The following MBNL1 variants were observed in gnomAD, a reference collection of about 807,000 sequenced individuals.
MBNL1 encodes the protein muscleblind like splicing regulator 1.
MBNL1 carries 8 observed loss-of-function variants against 42.2 expected under a neutral mutation model. The observed-to-expected ratio is 0.19, with a 90% CI of 0.11 to 0.34. The LOEUF (loss-of-function observed/expected upper bound fraction) is 0.34. Ranked by LOEUF, MBNL1 falls within the 10% of genes least tolerant of loss-of-function variation. The pLI, the probability that MBNL1 is intolerant of heterozygous loss-of-function variation, is 1.00. For missense variants in MBNL1, 309 were observed against 495.3 expected, an observed-to-expected ratio of 0.62 and a Z score of 3.57; for synonymous variants, 169 against 173.9, an observed-to-expected ratio of 0.97 and a Z score of 0.22.
chr3:152,411,454 A>G (rs1311880695), intron 2 of MBNL1, among the ~76,000 whole-genome samples: 2 of 152,192 alleles, frequency 1.3e-5, no homozygotes, highest in East Asian at 3.8e-4. Context: ...CAGGAGGCGG[A>G]GCTTGCAGTG....
chr3:152,457,959 T>TAC (rs751111999), intron 8 of MBNL1: 7 of 569,400 alleles, frequency 1.2e-5, no homozygotes, highest in South Asian at 4.7e-5. Flanking sequence ...GATATATATA[T>TAC]ACACACATAT....
intron 2 of MBNL1, among the ~76,000 whole-genome samples, chr3:152,349,866 G>A (rs1170633413): frequency 6.6e-6 from 1 of 151,966 alleles, no homozygotes; most frequent in African/African-American, 2.4e-5. Flanking sequence ...TTTATAGTTG[G>A]GATGACTAGG....
intron 1 of MBNL1, among the ~76,000 whole-genome samples, chr3:152,283,280 CT>C (rs966845010): frequency 1.3e-5 from 2 of 152,188 alleles, no homozygotes; most frequent in Non-Finnish European, 2.9e-5. Flanking sequence ...GCATCTACAA[CT>C]TTCCCTGGTA....
At chr3:152,321,687 C>T (rs2152416228) in intron 2 of MBNL1, among the ~76,000 whole-genome samples, 1 of 152,112 alleles carries the variant, frequency 6.6e-6, no homozygotes, top group East Asian at 1.9e-4. Context: ...TTAAAATGCT[C>T]AAGAGACAGT....
intron 1 of MBNL1, chr3:152,269,466 C>T: frequency 2.2e-6 from 1 of 453,062 alleles, no homozygotes; most frequent in South Asian, 1.6e-5. Flanking sequence ...GTGAGTCCCT[C>T]TGAGTCGAGC....
chr3:152,267,021 C>G (rs548085305), upstream of MBNL1: 9 of 152,252 alleles, frequency 5.9e-5, no homozygotes, highest in Non-Finnish European at 1.2e-4. Context: ...CTCTCCTGTA[C>G]TACCCTACCC....
intron 2 of MBNL1, among the ~76,000 whole-genome samples, chr3:152,350,988 T>A (rs2094905327): frequency 6.6e-6 from 1 of 152,132 alleles, no homozygotes; most frequent in East Asian, 1.9e-4. Context: ...ACAAGGCTGA[T>A]GACTAATTAG....
At position 152,331,666 on chromosome 3, in the gene MBNL1, C is replaced by T. The variant is rs557997429; in HGVS notation, c.174+31299C>T. ...ATGAATAAGAAGCTGTTACCTTACT[C>T]ATTTACATGTATTACTTCAAATGTT... On this transcript the variant is annotated intron_variant, in intron 2 of 9. Transcript: ENST00000324210. Among the ~76,000 whole-genome samples the T allele has an allele frequency of 1.9e-4, 29 of 152,174 alleles. No homozygotes were observed. In the East Asian group the frequency reaches 5.4e-3, roughly 28 times the overall value.
At chr3:152,422,523 C>A (rs1020835649) in intron 3 of MBNL1, among the ~76,000 whole-genome samples, 1 of 152,110 alleles carries the variant, frequency 6.6e-6, no homozygotes, top group African/African-American at 2.4e-5. Context: ...ACCCCACTGT[C>A]AATATTAGAC....
At chr3:152,413,280 C>G (rs1472428926) in intron 2 of MBNL1, among the ~76,000 whole-genome samples, 5 of 152,150 alleles carry the variant, frequency 3.3e-5, no homozygotes, top group Non-Finnish European at 7.4e-5. Context: ...CATCTTCATA[C>G]CAATGTTTTG....
chr3:152,329,583 A>G (rs1328847968), intron 2 of MBNL1, among the ~76,000 whole-genome samples: 1 of 151,074 alleles, frequency 6.6e-6, no homozygotes, highest in Non-Finnish European at 1.5e-5. Flanking sequence ...TGGGAAGTCA[A>G]GGATGCAGTG....
At chr3:152,341,615 A>G (rs1488585524) in intron 2 of MBNL1, among the ~76,000 whole-genome samples, 1 of 152,156 alleles carries the variant, frequency 6.6e-6, no homozygotes, top group Non-Finnish European at 1.5e-5. Context: ...TTTGGAGAGC[A>G]TGGGAGCTGT....
At chr3:152,460,760 G>A (rs546765466) in intron 9 of MBNL1, among the ~76,000 whole-genome samples, 2 of 152,230 alleles carry the variant, frequency 1.3e-5, no homozygotes, top group Admixed American at 6.5e-5. Context: ...TATTTAGAAA[G>A]AGACATTACA....
intron 2 of MBNL1, among the ~76,000 whole-genome samples, chr3:152,326,920 A>C (rs935897998): frequency 3.3e-5 from 5 of 151,754 alleles, no homozygotes; most frequent in African/African-American, 1.2e-4. Flanking sequence ...CTCCTGGCTT[A>C]GCCTCCCGAG....
chr3:152,418,243 T>A (rs1260767647), intron 3 of MBNL1, among the ~76,000 whole-genome samples: 1 of 152,204 alleles, frequency 6.6e-6, no homozygotes, highest in African/African-American at 2.4e-5. Flanking sequence ...TTAAGAAGTT[T>A]GCTCAGGTTA....
chr3:152,414,970 T>C lies in MBNL1; in HGVS notation c.204T>C (p.Tyr68=), dbSNP rs758297751. 1.6e-5 allele frequency: 25 copies of C among 1,609,404 alleles called. No individual in the cohort carries two copies. Among genetic ancestry groups the C allele is most frequent in the East Asian group, 2.2e-5 (1 of 44,466 alleles). ...GTTGCTCCAGGGAGAACTGCAAATATCTTCATCCACCCCCACATTTAAAAA... is the reference window on the plus strand; with the variant it reads ...GTTGCTCCAGGGAGAACTGCAAATACCTTCATCCACCCCCACATTTAAAAA... ...KGRCSRENCK[Y]LHPPPHLKTQ... is the part of the protein sequence containing the mutation. The change falls in exon 3 of 10, where the codon TAT becomes TAC. Residue 68 remains tyrosine (Y), a synonymous_variant. Transcript: ENST00000324210.
chr3:152,422,002 A>G (rs1181919703), intron 3 of MBNL1, among the ~76,000 whole-genome samples: 1 of 152,114 alleles, frequency 6.6e-6, no homozygotes, highest in Non-Finnish European at 1.5e-5. Context: ...CACCATTGAC[A>G]TATGAAGAAA....
intron 2 of MBNL1, among the ~76,000 whole-genome samples, chr3:152,326,035 T>C (rs146116021): frequency 1.1e-3 from 160 of 152,280 alleles, no homozygotes; most frequent in Non-Finnish European, 1.9e-3. Flanking sequence ...CATCCTATCA[T>C]GTCACTTATA....
At chr3:152,286,694 A>G (rs2052513737) in intron 1 of MBNL1, among the ~76,000 whole-genome samples, 1 of 151,496 alleles carries the variant, frequency 6.6e-6, no homozygotes, top group Admixed American at 6.6e-5. Flanking sequence ...TAAATATCAC[A>G]ATCTGTAAAG....
Sources: allele counts gnomAD v4.1 joint callset (sites outside exome capture counted in the v4.1 genomes callset), GRCh38; gene constraint gnomAD v4.1.1; transcripts MANE v1.5; gene names NCBI Gene and HGNC (gene_info 2026-07-23, HGNC 2026-07-21).